RYR3: variants seen among roughly 807,000 people sequenced by gnomAD.
RYR3 encodes the protein brain ryanodine receptor-calcium release channel.
In RYR3, 207 loss-of-function variants were observed where a neutral mutation model predicts 584.3. The observed-to-expected ratio is 0.35, with a 90% CI of 0.32 to 0.40. The LOEUF (loss-of-function observed/expected upper bound fraction) is 0.40, where lower values mean the gene tolerates loss of function less well. Ranked by LOEUF, RYR3 falls within the 10% of genes least tolerant of loss-of-function variation. The pLI, the probability that RYR3 is intolerant of heterozygous loss-of-function variation, is 1.00. For missense variants in RYR3, 5,616 were observed against 6,089.2 expected, an observed-to-expected ratio of 0.92 and a Z score of 2.59; for synonymous variants, 2,416 against 2,248.5, an observed-to-expected ratio of 1.07 and a Z score of -2.11.
rs144330439 is a variant in RYR3, at chr15:33,862,397, G to A, written c.14465+1219G>A. On this transcript the variant is annotated intron_variant, in intron 102 of 103. Transcript: ENST00000634891. ...CTAATTTTTTTTTTTGGTAGAGAAG[G>A]GGCTTTGCTGTATTGCCCAGGCTGA... Among the ~76,000 whole-genome samples, 12 of 152,006 alleles carry A rather than the reference G, an allele frequency of 7.9e-5. No homozygotes were observed. The East Asian group carries it at 2.0e-3, about 25-fold the overall frequency.
chr15:33,462,561 G>A (rs1427326962), intron 1 of RYR3, among the ~76,000 whole-genome samples: 1 of 152,132 alleles, frequency 6.6e-6, no homozygotes. Flanking sequence ...GCCCAGGGAA[G>A]ACATTATGTC....
chr15:33,312,377 T>TG (rs5811752), intron 1 of RYR3, among the ~76,000 whole-genome samples: 35 of 151,888 alleles, frequency 2.3e-4, no homozygotes, highest in South Asian at 1.5e-3. Flanking sequence ...GGGTCTTATT[T>TG]GGGGGGGGTA....
At chr15:33,714,810 C>T (rs535888839) in intron 43 of RYR3, among the ~76,000 whole-genome samples, 3 of 152,250 alleles carry the variant, frequency 2.0e-5, no homozygotes, top group Non-Finnish European at 2.9e-5. Flanking sequence ...GGCTGTGAAA[C>T]GTGATGCTCT....
chr15:33,587,334 T>C (rs1254448505), intron 16 of RYR3, among the ~76,000 whole-genome samples: 1 of 152,204 alleles, frequency 6.6e-6, no homozygotes, highest in Non-Finnish European at 1.5e-5. Flanking sequence ...AGCCACGGGC[T>C]ATGTGCAAAT....
At chr15:33,864,092 T>C in intron 102 of RYR3, 46 bp from the exon 103 acceptor site, 1 of 1,441,068 alleles carries the variant, frequency 6.9e-7, no homozygotes, top group Non-Finnish European at 9.7e-7. Flanking sequence ...GCGAATGAAC[T>C]TGGGTCTTGA....
intron 42 of RYR3, among the ~76,000 whole-genome samples, chr15:33,706,529 C>T (rs2066733888): frequency 6.6e-6 from 1 of 152,182 alleles, no homozygotes; most frequent in South Asian, 2.1e-4. Flanking sequence ...TAGCGAATGT[C>T]CTCAATGTTC....
At chr15:33,594,312 G>T (rs1019625000) in intron 16 of RYR3, among the ~76,000 whole-genome samples, 9 of 152,138 alleles carry the variant, frequency 5.9e-5, no homozygotes, top group Admixed American at 4.6e-4. Context: ...TTGTACTTAT[G>T]CAAATAACTC....
chr15:33,865,878 T>C lies in RYR3; in HGVS notation c.*652T>C, dbSNP rs2153031480. ...GATCTTCCGTCTTACTTTATGAAAC[T>C]GCACTTGAAGGTTATTCATACAAGT... On this transcript the variant is annotated 3_prime_UTR_variant, in exon 104 of 104. Transcript: ENST00000634891. The C allele has an allele frequency of 6.5e-6, 1 of 152,720 alleles. No individual in the cohort carries two copies. The highest frequency in any genetic ancestry group is 3.4e-3 in the Middle Eastern group (1 of 294). 9.5% of individuals were successfully genotyped at this position (152,720 alleles called of 1,614,324 possible).
intron 1 of RYR3, among the ~76,000 whole-genome samples, chr15:33,453,706 G>A (rs563963108): frequency 6.6e-6 from 1 of 152,226 alleles, no homozygotes; most frequent in African/African-American, 2.4e-5. Flanking sequence ...TTGCCACGCA[G>A]TTTCCTGATT....
At chr15:33,379,687 C>A (rs12905976) in intron 1 of RYR3, among the ~76,000 whole-genome samples, 24,958 of 125,162 alleles carry the variant, frequency 0.2, 2,554 homozygotes, top group Non-Finnish European at 0.24. Flanking sequence ...CTCTCTCTCT[C>A]TATATATATA....
chr15:33,799,023 A>C (rs1005344115), intron 67 of RYR3, among the ~76,000 whole-genome samples: 5 of 152,136 alleles, frequency 3.3e-5, no homozygotes, highest in Admixed American at 2.6e-4. Flanking sequence ...AAGAGGCATC[A>C]GGTTTTTTAG....
rs1197526989 is a variant in RYR3 at position 33,837,960 on chromosome 15, G to A, written c.11980G>A (p.Val3994Met). Residue 3994 changes from valine (V) to methionine (M), a missense_variant, in exon 89 of 104, where the codon GTG (valine) becomes ATG (methionine). By Grantham distance (21) the Val-to-Met change is conservative. Around this residue, in one of 9 missense-constraint regions of RYR3, gnomAD observed 258 missense variants for 297.3 expected, o/e 0.87. Coordinates refer to ENST00000634891, the MANE Select transcript of RYR3 (RefSeq NM_001036.6). Reference sequence around the variant, plus strand: ...GCCAGCCAAGGACATAGGGTTTAATGTGGCTGTGTTATTGACAAATCTTTC... The same window carrying A: ...GCCAGCCAAGGACATAGGGTTTAATATGGCTGTGTTATTGACAAATCTTTC... ...HEPAKDIGFN[V>M]AVLLTNLSEH... 1.2e-6 allele frequency: 2 copies of A among 1,613,882 alleles called. No individual in the cohort carries two copies. The highest frequency in any genetic ancestry group is 2.7e-5 in the African/African-American group (2 of 74,920).
chr15:33,374,359 A>AGTGTGTGTGTGTGT (rs1454263422), intron 1 of RYR3, among the ~76,000 whole-genome samples: 7 of 128,552 alleles, frequency 5.4e-5, no homozygotes, highest in Non-Finnish European at 1.1e-4. Context: ...TTCCTGTACG[A>AGTGTGTGTGTGTGT]GTGTATGTGT....
At chr15:33,379,271 C>T (rs1159976624) in intron 1 of RYR3, among the ~76,000 whole-genome samples, 1 of 151,772 alleles carries the variant, frequency 6.6e-6, no homozygotes, top group African/African-American at 2.4e-5. Flanking sequence ...ATGTAATATT[C>T]ATAAAAAAGA....
At position 33,623,981 on chromosome 15, in the gene RYR3, C is replaced by T. The variant is rs202183681; in HGVS notation, c.2532C>T (p.Leu844=). 62 of 1,613,988 alleles carry T rather than the reference C, an allele frequency of 3.8e-5. No homozygotes were observed. In the Middle Eastern group the frequency reaches 6.6e-4, roughly 17 times the overall value. Residue 844 remains leucine, a synonymous_variant, in exon 20 of 104, where the codon CTC becomes CTT. Transcript: ENST00000634891. ...ATCTCTTGGGTACCACCCAGTTCCT[C>T]TCCCAAGCCTCTTTCATCCCATGCC... ...IRDLLGTTQF[L]SQASFIPCPV... is the part of the protein sequence containing the mutation.
At chr15:33,654,450 G>C (rs1190200028) in intron 32 of RYR3, among the ~76,000 whole-genome samples, 1 of 151,764 alleles carries the variant, frequency 6.6e-6, no homozygotes, top group Non-Finnish European at 1.5e-5. Context: ...GGTCAAGGCT[G>C]CAGTGAGCCA....
chr15:33,440,196 A>G (rs2596234), intron 1 of RYR3, among the ~76,000 whole-genome samples: 31,614 of 151,904 alleles, frequency 0.21, 4,465 homozygotes, highest in African/African-American at 0.41. Flanking sequence ...CTGAGGTGGG[A>G]GGATCACTTG....
At chr15:33,490,079 C>T (rs1316020407) in intron 2 of RYR3, among the ~76,000 whole-genome samples, 1 of 152,156 alleles carries the variant, frequency 6.6e-6, no homozygotes, top group Non-Finnish European at 1.5e-5. Flanking sequence ...AATTTATTAA[C>T]AAAACACCCT....
rs1252880006 is a variant in RYR3, at chr15:33,601,474, A to T, written c.1844A>T (p.Asn615Ile). The change falls in exon 17 of 104, where the codon AAC becomes ATC. Residue 615 changes from asparagine to isoleucine, a missense_variant. By Grantham distance (149) the Asn-to-Ile change is moderately radical. Around this residue, in one of 9 missense-constraint regions of RYR3, gnomAD observed 1,284 missense variants for 1,344.6 expected, o/e 0.95. Transcript: ENST00000634891. ...TGCAATGGGGTTGCAGTGAGAGCCA[A>T]CCAGAATCTGATCTGTGACAACTTG... ...CLCNGVAVRA[N>I]QNLICDNLLP... 1 of 1,613,452 alleles carries T rather than the reference A, an allele frequency of 6.2e-7. No homozygotes were observed.
Sources: gnomAD v4.1 joint callset for allele counts (sites outside exome capture counted in the v4.1 genomes callset) on GRCh38, gnomAD v4.1.1 for gene constraint, gnomAD v4.1.1 regional missense constraint, MANE v1.5 for transcripts, NCBI Gene and HGNC (gene_info 2026-07-23, HGNC 2026-07-21) for gene names.